The following SLC25A17 variants were observed in gnomAD, a reference collection of about 807,000 sequenced individuals.
SLC25A17 encodes the protein peroxisomal membrane protein PMP34.
Under a neutral mutation model 38.5 loss-of-function variants are expected in SLC25A17, and 26 were observed. The observed-to-expected ratio is 0.68, with a 90% CI of 0.50 to 0.94. The LOEUF is 0.94. Ranked by LOEUF, SLC25A17 falls within the 40% of genes least tolerant of loss-of-function variation. The probability of loss-of-function intolerance (pLI) is 0.00; values close to 1 mark genes in which losing one functional copy is unlikely to be tolerated. For synonymous variants in SLC25A17, 139 were observed against 136.2 expected, an observed-to-expected ratio of 1.02 and a Z score of -0.14; for missense variants, 333 against 372.7, an observed-to-expected ratio of 0.89 and a Z score of 0.88.
intron 4 of SLC25A17, among the ~76,000 whole-genome samples, chr22:40,790,749 A>G (rs1240874858): frequency 1.3e-5 from 2 of 152,260 alleles, no homozygotes; most frequent in East Asian, 3.8e-4. Flanking sequence ...TCCATGAATT[A>G]GAAGTTTCAT....
At chr22:40,788,914 G>A (rs551643056) in intron 4 of SLC25A17, 56 of 290,802 alleles carry the variant, frequency 1.9e-4, no homozygotes, top group African/African-American at 1.2e-3. Flanking sequence ...TGACTCTCAT[G>A]AATCAAAGTT....
At chr22:40,787,030 T>A (rs989392759) in intron 4 of SLC25A17, among the ~76,000 whole-genome samples, 6 of 152,182 alleles carry the variant, frequency 3.9e-5, no homozygotes, top group African/African-American at 1.2e-4. Flanking sequence ...TGAAGAAGAA[T>A]ATGCAGACTT....
At chr22:40,788,951 C>A in intron 4 of SLC25A17, 1 of 317,956 alleles carries the variant, frequency 3.1e-6, no homozygotes. Context: ...TAGCCAACAA[C>A]GGCCACACTC....
chr22:40,788,956 A>T (rs2057361696), intron 4 of SLC25A17: 1 of 322,324 alleles, frequency 3.1e-6, no homozygotes. Flanking sequence ...AACAACGGCC[A>T]CACTCAGGAT....
rs2057163088 is a variant in SLC25A17, at chr22:40,769,741, G to A, written c.*1093C>T. On this transcript the variant is annotated 3_prime_UTR_variant, in exon 9 of 9. Coordinates refer to ENST00000435456, the MANE Select transcript of SLC25A17 (RefSeq NM_006358.4). ...TCTTCTCATGGGTCAGGGGTCCTATGGTCTCCTGAACTTTAATGTGGCTGT... is the reference window on the plus strand; with the variant it reads ...TCTTCTCATGGGTCAGGGGTCCTATAGTCTCCTGAACTTTAATGTGGCTGT... 1 of 152,086 alleles carries A rather than the reference G, an allele frequency of 6.6e-6. No individual in the cohort carries two copies. Among genetic ancestry groups the A allele is most frequent in the African/African-American group, 2.4e-5 (1 of 41,402 alleles). The allele number at this position is 152,086 out of a possible 1,614,324, so 9.4% of individuals were successfully genotyped here. A position where few individuals can be genotyped will look rare whatever the true frequency, so the allele number is the denominator to read the frequency against.
At chr22:40,777,589 C>T (rs1299425347) in intron 5 of SLC25A17, among the ~76,000 whole-genome samples, 8 of 152,008 alleles carry the variant, frequency 5.3e-5, no homozygotes, top group African/African-American at 1.9e-4. Flanking sequence ...TGAGACCAGC[C>T]CAGCCAGCAT....
intron 8 of SLC25A17, 79 bp downstream of exon 8, chr22:40,773,858 G>C: frequency 1.0e-6 from 1 of 986,808 alleles, no homozygotes; most frequent in Non-Finnish European, 1.6e-6. Flanking sequence ...AGTAGTGTGA[G>C]AGAGGGAAAT....
At chr22:40,771,081 A>G (rs2057178413) in intron 8 of SLC25A17, 100 bp from the exon 9 acceptor site, 3 of 1,002,878 alleles carry the variant, frequency 3.0e-6, no homozygotes, top group East Asian at 5.4e-5. Flanking sequence ...TAGAGGTTTT[A>G]GATTTCAACA....
At chr22:40,809,589 G>A (rs2145703426) in intron 1 of SLC25A17, among the ~76,000 whole-genome samples, 1 of 151,998 alleles carries the variant, frequency 6.6e-6, no homozygotes, top group South Asian at 2.1e-4. Flanking sequence ...CTGAGATTGT[G>A]CCACTGCACT....
intron 1 of SLC25A17, among the ~76,000 whole-genome samples, chr22:40,816,225 A>T (rs1251550252): frequency 6.6e-6 from 1 of 151,994 alleles, no homozygotes; most frequent in African/African-American, 2.4e-5. Context: ...AGAAAGAAAG[A>T]AAAAGAAAAA....
intron 4 of SLC25A17, among the ~76,000 whole-genome samples, chr22:40,780,440 TA>T (rs781162595): frequency 6.6e-6 from 1 of 152,186 alleles, no homozygotes; most frequent in Non-Finnish European, 1.5e-5. Context: ...GCCTATAATC[TA>T]AAAAACCCTT....
Position 40,789,224 on chromosome 22 carries a change from C to A in SLC25A17, c.334+3301G>T, listed in dbSNP as rs6002136. 2.7e-3 allele frequency: 552 copies of A among 202,268 alleles called. 5 individuals are homozygous for A. Among genetic ancestry groups the A allele is most frequent in the African/African-American group, 0.012 (527 of 42,332 alleles). The allele number at this position is 202,268 out of a possible 1,614,324, so 12.5% of individuals were successfully genotyped here. ...GAAGCCCCATACCACTTGGTCCCGG[C>A]AGGAGTATGACAGATGCTTCGTAAT... is the stretch of plus-strand genomic sequence containing the variant. On this transcript the variant is annotated intron_variant, in intron 4 of 8. Coordinates refer to ENST00000435456, the MANE Select transcript of SLC25A17 (RefSeq NM_006358.4). The surrounding 1 kb of genome is among the most constrained non-coding windows in gnomAD (Gnocchi z 4.5).
intron 1 of SLC25A17, among the ~76,000 whole-genome samples, chr22:40,812,413 G>A (rs1355291539): frequency 6.6e-6 from 1 of 152,166 alleles, no homozygotes; most frequent in Non-Finnish European, 1.5e-5. Context: ...CCCCCAGCGT[G>A]TGCAATCTTA....
chr22:40,803,823 T>G (rs1165538578), intron 1 of SLC25A17, among the ~76,000 whole-genome samples: 3 of 149,950 alleles, frequency 2.0e-5, no homozygotes, highest in South Asian at 2.1e-4. Flanking sequence ...AGTTTTTGTT[T>G]TTTTTTTTTT....
chr22:40,781,094 C>A (rs2057289701), intron 4 of SLC25A17, among the ~76,000 whole-genome samples: 1 of 151,900 alleles, frequency 6.6e-6, no homozygotes, highest in Non-Finnish European at 1.5e-5. Context: ...TCGCTTCAGC[C>A]CAGGAGGTTG....
At chr22:40,794,606 AT>A in intron 2 of SLC25A17, 26 bp from the exon 3 acceptor site, 1 of 1,493,110 alleles carries the variant, frequency 6.7e-7, no homozygotes. Flanking sequence ...GTGCATGTTT[AT>A]TTTATTAATT....
intron 1 of SLC25A17, among the ~76,000 whole-genome samples, chr22:40,816,609 G>GTT (rs55809010): frequency 2.9e-5 from 4 of 137,980 alleles, no homozygotes; most frequent in Admixed American, 1.4e-4. Context: ...ATTTTTTATT[G>GTT]TTTTTTTTTT....
chr22:40,771,316 T>C (rs1438205334), intron 8 of SLC25A17, among the ~76,000 whole-genome samples: 1 of 152,176 alleles, frequency 6.6e-6, no homozygotes, highest in Non-Finnish European at 1.5e-5. Flanking sequence ...TTCACCATGT[T>C]AGCCAGGATG....
rs1569403021 is a variant in SLC25A17 at position 40,784,801 on chromosome 22, AAAAAG to A, written c.335-5681_335-5677del. ...AACAACAACAAAAAAAAAAAAAAAA[AAAAAG>A]AAAAGGAAAAAAAATAACCTTGAAG... On this transcript the variant is annotated intron_variant, in intron 4 of 8. Coordinates refer to ENST00000435456, the MANE Select transcript of SLC25A17 (RefSeq NM_006358.4). Among the ~76,000 whole-genome samples, 3 of 151,470 alleles carry A rather than the reference AAAAAG, an allele frequency of 2.0e-5. No individual in the cohort carries two copies. In the East Asian group the frequency reaches 5.8e-4, roughly 29 times the overall value.
Sources: gnomAD v4.1 joint callset for allele counts (sites outside exome capture counted in the v4.1 genomes callset) on GRCh38, gnomAD v4.1.1 for gene constraint, Gnocchi (gnomAD v3.1) non-coding constraint, MANE v1.5 for transcripts, NCBI Gene and HGNC (gene_info 2026-07-23, HGNC 2026-07-21) for gene names.